RBFOX1: variants seen among roughly 807,000 people sequenced by gnomAD.
RBFOX1 encodes the protein RNA binding protein fox-1 homolog 1.
A neutral mutation model predicts 57.7 loss-of-function variants in RBFOX1; 8 were observed. The observed-to-expected ratio is 0.14, with a 90% CI of 0.08 to 0.25. RBFOX1 has a LOEUF of 0.25. Ranked by LOEUF, RBFOX1 falls within the 10% of genes least tolerant of loss-of-function variation. The pLI is 1.00. For missense variants in RBFOX1, 611 were observed against 548.5 expected (o/e 1.11, Z -1.14); for synonymous variants, 326 against 222.4 (o/e 1.47, Z -4.15).
intron 2 of RBFOX1, among the ~76,000 whole-genome samples, chr16:6,385,011 C>T (rs1241855654): frequency 6.6e-6 from 1 of 152,158 alleles, no homozygotes; most frequent in Admixed American, 6.5e-5. Context: ...CAGCAGCACC[C>T]CCTCCCTGTT....
chr16:6,094,610 A>C (rs1380491625), intron 1 of RBFOX1, among the ~76,000 whole-genome samples: 1 of 152,218 alleles, frequency 6.6e-6, no homozygotes, highest in Non-Finnish European at 1.5e-5. Flanking sequence ...AGAGCTCTGG[A>C]ATTCAGCTCC....
At chr16:7,660,411 A>T (rs538305594) in intron 12 of RBFOX1, among the ~76,000 whole-genome samples, 1 of 152,280 alleles carries the variant, frequency 6.6e-6, no homozygotes, top group South Asian at 2.1e-4. Flanking sequence ...TTCCGTGGTT[A>T]ATTTATCTAT....
At chr16:6,047,903 G>A (rs186058244) in intron 1 of RBFOX1, among the ~76,000 whole-genome samples, 2 of 152,276 alleles carry the variant, frequency 1.3e-5, no homozygotes, top group African/African-American at 2.4e-5. Flanking sequence ...TTCACAGACC[G>A]TAAAGCTTGG....
At chr16:6,514,501 A>G (rs775646247) in intron 2 of RBFOX1, among the ~76,000 whole-genome samples, 1 of 152,194 alleles carries the variant, frequency 6.6e-6, no homozygotes, top group African/African-American at 2.4e-5. Context: ...GCAGCCATCC[A>G]TTCACAGTCT....
At position 6,338,850 on chromosome 16, in the gene RBFOX1, T is replaced by A. The variant is rs75877328; in HGVS notation, c.-64+21793T>A. ...ATCCAAAGGAACTTAATCTTTTATT[T>A]TGTGGTAGGTACACAATAAAAGTTT... On this transcript the variant is annotated intron_variant, in intron 2 of 15. Transcript: ENST00000550418. Among the ~76,000 whole-genome samples the A allele has an allele frequency of 4.8e-3, 730 of 152,340 alleles. 12 individuals are homozygous for A. Among genetic ancestry groups the A allele is most frequent in the African/African-American group, 0.015 (644 of 41,592 alleles).
At chr16:6,712,150 T>G (rs1477741771) in intron 3 of RBFOX1, among the ~76,000 whole-genome samples, 1 of 152,182 alleles carries the variant, frequency 6.6e-6, no homozygotes, top group South Asian at 2.1e-4. Context: ...TGATGGAATG[T>G]AGAGGTGCTC....
intron 10 of RBFOX1, among the ~76,000 whole-genome samples, chr16:7,624,811 G>C (rs1261422325): frequency 6.6e-6 from 1 of 152,190 alleles, no homozygotes; most frequent in Non-Finnish European, 1.5e-5. Flanking sequence ...CCACCACACA[G>C]TAGAGGTTTG....
At position 7,456,509 on chromosome 16, in the gene RBFOX1, A is replaced by G. The variant is rs576669937; in HGVS notation, c.28-61638A>G. Among the ~76,000 whole-genome samples the G allele has an allele frequency of 3.3e-5, 5 of 152,366 alleles. No individual in the cohort carries two copies. The South Asian group carries it at 6.2e-4, about 19-fold the overall frequency. On this transcript the variant is annotated intron_variant, in intron 4 of 15. Coordinates refer to ENST00000550418, the MANE Select transcript of RBFOX1 (RefSeq NM_018723.4). Reference sequence around the variant, plus strand: ...CCCAGCATTGTTTGCCAAGGTTGCAAGTCCCTCTATGCTTTATCCTGTTTG... The same window carrying G: ...CCCAGCATTGTTTGCCAAGGTTGCAGGTCCCTCTATGCTTTATCCTGTTTG...
At chr16:7,691,398 T>A (rs1199971336) in intron 14 of RBFOX1, among the ~76,000 whole-genome samples, 388 of 125,276 alleles carry the variant, frequency 3.1e-3, no homozygotes, top group Middle Eastern at 4.3e-3. Flanking sequence ...AGAGAAAGAA[T>A]GAAGGGAAAA....
intron 4 of RBFOX1, among the ~76,000 whole-genome samples, chr16:7,075,296 T>C (rs926768400): frequency 6.6e-6 from 1 of 152,234 alleles, no homozygotes; most frequent in African/African-American, 2.4e-5. Flanking sequence ...TTATTGGTTT[T>C]AGTTAACAAT....
intron 3 of RBFOX1, among the ~76,000 whole-genome samples, chr16:5,863,595 C>G (rs1325642402): frequency 1.3e-5 from 2 of 152,202 alleles, no homozygotes; most frequent in African/African-American, 2.4e-5. Context: ...AAGGGAGTCT[C>G]TGAATCTAAT....
At chr16:5,546,476 G>T (rs1449815694) in intron 2 of RBFOX1, among the ~76,000 whole-genome samples, 3 of 152,158 alleles carry the variant, frequency 2.0e-5, no homozygotes, top group African/African-American at 4.8e-5. Context: ...GTAGATACTT[G>T]GGTCGATGTA....
chr16:5,446,608 G>C (rs1287720226), intron 1 of RBFOX1, among the ~76,000 whole-genome samples: 1 of 152,032 alleles, frequency 6.6e-6, no homozygotes, highest in Non-Finnish European at 1.5e-5. Flanking sequence ...GATCCGATTT[G>C]TACTCTGAAG....
chr16:5,763,952 C>T (rs1462510394), intron 3 of RBFOX1, among the ~76,000 whole-genome samples: 1 of 152,142 alleles, frequency 6.6e-6, no homozygotes, highest in African/African-American at 2.4e-5. Context: ...CTTTATTCAC[C>T]TGTTTACTCG....
At chr16:6,804,190 A>C (rs767663481) in intron 3 of RBFOX1, among the ~76,000 whole-genome samples, 8 of 151,964 alleles carry the variant, frequency 5.3e-5, no homozygotes, top group Non-Finnish European at 1.0e-4. Flanking sequence ...TTGTATTTTT[A>C]GTAGAGATGG....
intron 4 of RBFOX1, among the ~76,000 whole-genome samples, chr16:7,091,262 A>C (rs75885813): frequency 7.0e-6 from 1 of 142,494 alleles, no homozygotes; most frequent in African/African-American, 2.6e-5. Context: ...TTTAATTTTA[A>C]CTTTACTTTT....
chr16:7,676,682 G>C, intron 13 of RBFOX1, 92 bp from the exon 14 acceptor site: 2 of 1,061,702 alleles, frequency 1.9e-6, no homozygotes, highest in South Asian at 2.6e-5. Context: ...CAGTAGATTT[G>C]GGTAACAGCT....
chr16:5,955,366 TAAAATAAAATAAAA>T (rs2059614440), intron 4 of RBFOX1, among the ~76,000 whole-genome samples: 1 of 39,390 alleles, frequency 2.5e-5, no homozygotes, highest in African/African-American at 1.9e-4. Flanking sequence ...AAAAATAAAA[TAAAATAAAATAAAA>T]TAAAATAAAA....
intron 3 of RBFOX1, among the ~76,000 whole-genome samples, chr16:5,797,421 C>G (rs2054915116): frequency 6.6e-6 from 1 of 152,228 alleles, no homozygotes; most frequent in African/African-American, 2.4e-5. Flanking sequence ...ACTTGATTTT[C>G]TGCTCTTCCT....
Sources: allele counts gnomAD v4.1 joint callset (sites outside exome capture counted in the v4.1 genomes callset), GRCh38; gene constraint gnomAD v4.1.1; transcripts MANE v1.5; gene names NCBI Gene and HGNC (gene_info 2026-07-23, HGNC 2026-07-21).